SPAG9: variants seen among roughly 807,000 people sequenced by gnomAD.
SPAG9 encodes the protein C-Jun-amino-terminal kinase-interacting protein 4.
In SPAG9, 35 loss-of-function variants were observed where a neutral mutation model predicts 166.5. That is an observed-to-expected ratio of 0.21 (90% confidence interval 0.16 to 0.28). SPAG9 has a LOEUF of 0.28. Ranked by LOEUF, SPAG9 falls within the 10% of genes least tolerant of loss-of-function variation. The probability of loss-of-function intolerance (pLI) is 1.00; values close to 1 mark genes in which losing one functional copy is unlikely to be tolerated. For synonymous variants in SPAG9, 534 were observed against 565.5 expected, an observed-to-expected ratio of 0.94 and a Z score of 0.79; for missense variants, 1,235 against 1,603.3, an observed-to-expected ratio of 0.77 and a Z score of 3.92.
At chr17:51,076,009 C>T (rs2144616396) in intron 2 of SPAG9, among the ~76,000 whole-genome samples, 1 of 152,000 alleles carries the variant, frequency 6.6e-6, no homozygotes, top group South Asian at 2.1e-4. Flanking sequence ...GCAGGAGAAT[C>T]ACTTGAATCC....
chr17:51,050,323 A>C (rs993220090), intron 3 of SPAG9, among the ~76,000 whole-genome samples: 1 of 152,216 alleles, frequency 6.6e-6, no homozygotes, highest in Admixed American at 6.5e-5. Context: ...TTTATTGAGC[A>C]CCAATTATAA....
intron 29 of SPAG9, among the ~76,000 whole-genome samples, chr17:50,966,699 A>C (rs1973389023): frequency 1.3e-5 from 2 of 152,238 alleles, no homozygotes; most frequent in Non-Finnish European, 2.9e-5. Context: ...GAAGCTAAGA[A>C]GGCAATTCTG....
Position 50,964,231 on chromosome 17 carries a change from C to G in SPAG9, c.*2041G>C, listed in dbSNP as rs1973247388. 1 of 152,144 alleles carries G rather than the reference C, an allele frequency of 6.6e-6. No individual in the cohort carries two copies. Among genetic ancestry groups the G allele is most frequent in the Admixed American group, 6.5e-5 (1 of 15,276 alleles). 9.4% of individuals were successfully genotyped at this position (152,144 alleles called of 1,614,324 possible). On this transcript the variant is annotated 3_prime_UTR_variant, in exon 30 of 30. Coordinates refer to ENST00000262013, the MANE Select transcript of SPAG9 (RefSeq NM_001130528.3). ...CTTTCTTTTCTTTTCAGTAGTCCTT[C>G]TGATGATTGGGGGCCTTTATCCCAT...
At chr17:51,092,101 G>C (rs931600553) in intron 1 of SPAG9, among the ~76,000 whole-genome samples, 1 of 151,860 alleles carries the variant, frequency 6.6e-6, no homozygotes, top group East Asian at 1.9e-4. Context: ...TATAGTACTT[G>C]TCTAAAAAAT....
chr17:51,048,823 A>G (rs935072260), intron 3 of SPAG9, among the ~76,000 whole-genome samples: 1 of 152,198 alleles, frequency 6.6e-6, no homozygotes, highest in African/African-American at 2.4e-5. Flanking sequence ...AATGTTATCC[A>G]CAAAGAATGA....
At chr17:51,065,707 T>C (rs2047643062) in intron 2 of SPAG9, among the ~76,000 whole-genome samples, 2 of 152,176 alleles carry the variant, frequency 1.3e-5, no homozygotes, top group Admixed American at 1.3e-4. Context: ...AGCTAGGCTA[T>C]CCACCCCAGC....
At chr17:50,971,459 C>CTTTTTT (rs71353691) in intron 28 of SPAG9, among the ~76,000 whole-genome samples, 3 of 89,872 alleles carry the variant, frequency 3.3e-5, no homozygotes, top group African/African-American at 9.2e-5. Flanking sequence ...TTCAAACTAC[C>CTTTTTT]TTTTTTTTTT....
chr17:51,055,745 ACC>A (rs1167063500), intron 3 of SPAG9, among the ~76,000 whole-genome samples: 2 of 151,950 alleles, frequency 1.3e-5, no homozygotes, highest in Non-Finnish European at 2.9e-5. Flanking sequence ...GGTATGTGAA[ACC>A]CAGACTGACC....
chr17:51,044,162 A>G (rs1375866960), intron 4 of SPAG9, among the ~76,000 whole-genome samples: 2 of 152,202 alleles, frequency 1.3e-5, no homozygotes, highest in Non-Finnish European at 2.9e-5. Flanking sequence ...CAAATTACAT[A>G]CAGTTGGGGT....
chr17:51,008,281 T>C (rs1243505298), intron 9 of SPAG9, among the ~76,000 whole-genome samples: 1 of 152,108 alleles, frequency 6.6e-6, no homozygotes, highest in Non-Finnish European at 1.5e-5. Context: ...GAGTGGTCTT[T>C]AGGGAGAAGA....
intron 25 of SPAG9, 119 bp from the exon 26 acceptor site, chr17:50,980,036 A>C: frequency 1.2e-6 from 1 of 822,758 alleles, no homozygotes; most frequent in Non-Finnish European, 1.9e-6. Flanking sequence ...ATTATATATT[A>C]AACATGATTA....
intron 2 of SPAG9, among the ~76,000 whole-genome samples, chr17:51,076,730 C>T (rs765918225): frequency 2.9e-5 from 4 of 136,196 alleles, no homozygotes; most frequent in Non-Finnish European, 6.5e-5. Flanking sequence ...AACAAGACTC[C>T]GTCTTAAAAA....
intron 1 of SPAG9, among the ~76,000 whole-genome samples, chr17:51,106,128 C>T (rs971616405): frequency 6.7e-6 from 1 of 149,294 alleles, no homozygotes; most frequent in African/African-American, 2.5e-5. Flanking sequence ...CACACACACA[C>T]ACACACACAC....
chr17:51,031,590 C>G (rs1247131801), intron 6 of SPAG9, 91 bp downstream of exon 6: 1 of 902,500 alleles, frequency 1.1e-6, no homozygotes, highest in Non-Finnish European at 1.8e-6. Flanking sequence ...AGCTGAGCAT[C>G]TGATGTCTTG....
chr17:50,971,400 A>G (rs1344742435), intron 28 of SPAG9, among the ~76,000 whole-genome samples: 1 of 151,796 alleles, frequency 6.6e-6, no homozygotes, highest in Non-Finnish European at 1.5e-5. Context: ...AATAGGCCCC[A>G]AATCCAATAT....
intron 1 of SPAG9, among the ~76,000 whole-genome samples, chr17:51,106,871 A>G (rs2048965223): frequency 6.6e-6 from 1 of 151,852 alleles, no homozygotes; most frequent in Admixed American, 6.6e-5. Context: ...TGGGAGGCTG[A>G]AGTGTGCAGA....
chr17:51,028,977 G>T (rs1012762287), intron 6 of SPAG9, among the ~76,000 whole-genome samples: 1 of 152,024 alleles, frequency 6.6e-6, no homozygotes, highest in Non-Finnish European at 1.5e-5. Context: ...TGGCATGAGT[G>T]GTGGCAAACA....
intron 2 of SPAG9, among the ~76,000 whole-genome samples, chr17:51,057,075 G>T (rs2047382153): frequency 6.6e-6 from 1 of 152,184 alleles, no homozygotes; most frequent in Non-Finnish European, 1.5e-5. Context: ...CCACAGGAAA[G>T]AATAACTGAT....
chr17:51,071,592 T>C (rs774596539), intron 2 of SPAG9, among the ~76,000 whole-genome samples: 1 of 152,162 alleles, frequency 6.6e-6, no homozygotes, highest in African/African-American at 2.4e-5. Flanking sequence ...TGACCAAAAA[T>C]TGTTAAAAAA....
Sources: allele counts gnomAD v4.1 joint callset (sites outside exome capture counted in the v4.1 genomes callset), GRCh38; gene constraint gnomAD v4.1.1; transcripts MANE v1.5; gene names NCBI Gene and HGNC (gene_info 2026-07-23, HGNC 2026-07-21).